The following SHH variants were observed in gnomAD, a reference collection of about 807,000 sequenced individuals.
SHH encodes sonic hedgehog protein.
In SHH, 3 loss-of-function variants were observed where a neutral mutation model predicts 16.6. The ratio of observed to expected loss-of-function variants is 0.18; its 90% CI spans 0.08 to 0.47. The LOEUF is 0.47. Ranked by LOEUF, SHH falls within the 20% of genes least tolerant of loss-of-function variation. The pLI is 0.98. For missense variants in SHH, 499 were observed against 665.0 expected (o/e 0.75, Z 2.75); for synonymous variants, 351 against 316.2 (o/e 1.11, Z -1.17).
At position 155,803,263 on chromosome 7, in the gene SHH, C is replaced by G. The variant is rs1357392616; in HGVS notation, c.1026G>C (p.Ala342=). The G allele has an allele frequency of 6.6e-7, 1 of 1,511,000 alleles. No homozygotes were observed. Among genetic ancestry groups the G allele is most frequent in the Non-Finnish European group, 8.8e-7 (1 of 1,137,380 alleles). 93.6% of individuals were successfully genotyped at this position (1,511,000 alleles called of 1,614,324 possible). A position where few individuals can be genotyped will look rare whatever the true frequency, so the allele number is the denominator to read the frequency against. ...VHSVTLSEEA[A]GAYAPLTAQG... is the part of the protein sequence containing the mutation. ...GGGCCGTGAGCGGCGCGTAGGCGCCCGCGGCCTCCTCGCTTAGGGTCACGC... is the reference window on the plus strand; with the variant it reads ...GGGCCGTGAGCGGCGCGTAGGCGCCGGCGGCCTCCTCGCTTAGGGTCACGC... Residue 342 remains alanine (A), a synonymous_variant, in exon 3 of 3, where the codon GCG becomes GCC. Coordinates refer to ENST00000297261, the MANE Select transcript of SHH (RefSeq NM_000193.4).
At position 155,800,198 on chromosome 7, in the gene SHH, T is replaced by C. The variant is rs1803150668; in HGVS notation, c.*2702A>G. On this transcript the variant is annotated 3_prime_UTR_variant, in exon 3 of 3. Coordinates refer to ENST00000297261, the MANE Select transcript of SHH (RefSeq NM_000193.4). ...CCTGGCGGGGCTGGGCTGCACCCTC[T>C]TGATGCCCTGTACCTAGTGTCTCTA... is the stretch of plus-strand genomic sequence containing the variant. 2.1e-6 allele frequency: 1 copy of C among 471,090 alleles called. No individual in the cohort carries two copies. The highest frequency in any genetic ancestry group is 2.3e-5 in the Admixed American group (1 of 42,590). The allele number at this position is 471,090 out of a possible 1,614,324, so 29.2% of individuals were successfully genotyped here. A position where few individuals can be genotyped will look rare whatever the true frequency, so the allele number is the denominator to read the frequency against.
In SHH at chr7:155,812,388, G is replaced by A. The variant is rs1452350455; in HGVS notation, c.-266C>T. On this transcript the variant is annotated 5_prime_UTR_variant, in exon 1 of 3. Transcript: ENST00000297261. The stretch of plus-strand genomic sequence containing the variant: ...CCGGCCGCTGATAACGGAACACATC[G>A]GAGTTGGGTCGCGAGACAGCAATCA... 2 of 567,296 alleles carry A rather than the reference G, an allele frequency of 3.5e-6. No homozygotes were observed. Among genetic ancestry groups the A allele is most frequent in the African/African-American group, 1.9e-5 (1 of 53,230 alleles). The allele number at this position is 567,296 out of a possible 1,614,324, so 35.1% of individuals were successfully genotyped here. A position where few individuals can be genotyped will look rare whatever the true frequency, so the allele number is the denominator to read the frequency against.
intron 2 of SHH, among the ~76,000 whole-genome samples, chr7:155,805,998 G>T (rs1378703010): frequency 6.6e-6 from 1 of 152,224 alleles, no homozygotes; most frequent in Non-Finnish European, 1.5e-5. Flanking sequence ...AGGGCCTAGC[G>T]CCCCTCCCCC....
chr7:155,811,778 C>A (rs1011206201), intron 1 of SHH, 45 bp downstream of exon 1: 1 of 1,584,520 alleles, frequency 6.3e-7, no homozygotes, highest in Admixed American at 1.7e-5. Context: ...TTCTCGTAAC[C>A]CCCTGGAAAG....
At position 155,809,840 on chromosome 7, in the gene SHH, G is replaced by T. The variant is rs1803463382; in HGVS notation, c.300+1983C>A. Among the ~76,000 whole-genome samples the T allele has an allele frequency of 6.6e-6, 1 of 151,704 alleles. No homozygotes were observed. Among genetic ancestry groups the T allele is most frequent in the Non-Finnish European group, 1.5e-5 (1 of 67,882 alleles). ...CGGCAGGGCGGACGGGGGTCGGGGG[G>T]AGGCCCCCGGGCTGGGGGCTCCGGC... is the stretch of plus-strand genomic sequence containing the variant. On this transcript the variant is annotated intron_variant, in intron 1 of 2. Transcript: ENST00000297261. The surrounding 1 kb of genome is among the most constrained non-coding windows in gnomAD (Gnocchi z 6.1).
intron 2 of SHH, among the ~76,000 whole-genome samples, chr7:155,804,667 G>A (rs1785158229): frequency 6.6e-6 from 1 of 152,112 alleles, no homozygotes; most frequent in Non-Finnish European, 1.5e-5. Context: ...TGTTCGGAGC[G>A]CTGGAAGCGC....
chr7:155,805,228 C>T (rs1002234489), intron 2 of SHH, among the ~76,000 whole-genome samples: 1 of 152,042 alleles, frequency 6.6e-6, no homozygotes, highest in African/African-American at 2.4e-5. Context: ...GGCCCAGGGG[C>T]CGCCGCCGAG....
chr7:155,806,608 G>GC, intron 1 of SHH, 51 bp from the exon 2 acceptor site: 1 of 1,607,576 alleles, frequency 6.2e-7, no homozygotes, highest in Non-Finnish European at 8.5e-7. Flanking sequence ...CTGGGCAACC[G>GC]CCACCCCTCC....
At position 155,802,220 on chromosome 7, in the gene SHH, G is replaced by A. The variant is rs914803441; in HGVS notation, c.*680C>T. 6.6e-5 allele frequency: 10 copies of A among 152,068 alleles called. No homozygotes were observed. Among genetic ancestry groups the A allele is most frequent in the Non-Finnish European group, 1.5e-4 (10 of 68,020 alleles). The allele number at this position is 152,068 out of a possible 1,614,324, so 9.4% of individuals were successfully genotyped here. A position where few individuals can be genotyped will look rare whatever the true frequency, so the allele number is the denominator to read the frequency against. ...ATGAAACCATAAAGACAACAGAGGAGATGGCTGTTACATCGGAAACTAGTT... is the reference window on the plus strand; with the variant it reads ...ATGAAACCATAAAGACAACAGAGGAAATGGCTGTTACATCGGAAACTAGTT... On this transcript the variant is annotated 3_prime_UTR_variant, in exon 3 of 3. Coordinates refer to ENST00000297261, the MANE Select transcript of SHH (RefSeq NM_000193.4).
chr7:155,803,527 C>A lies in SHH; in HGVS notation c.762G>T (p.Val254=). 1 of 1,590,652 alleles carries A rather than the reference C, an allele frequency of 6.3e-7. No homozygotes were observed. Among genetic ancestry groups the A allele is most frequent in the Non-Finnish European group, 8.5e-7 (1 of 1,174,326 alleles). The change falls in exon 3 of 3, where the codon GTG becomes GTT. Residue 254 remains valine, a synonymous_variant. Transcript: ENST00000297261. Reference sequence around the variant, plus strand: ...GCTCGCGCGGCTCCCGCGTCTCGATCACGTAGAAGACCTTCTTGGCGCCGT... The same window carrying A: ...GCTCGCGCGGCTCCCGCGTCTCGATAACGTAGAAGACCTTCTTGGCGCCGT... ...RDDGAKKVFY[V]IETREPRERL...
At chr7:155,811,799 C>T in intron 1 of SHH, 24 bp downstream of exon 1, 1 of 1,613,298 alleles carries the variant, frequency 6.2e-7, no homozygotes, top group East Asian at 2.2e-5. Context: ...CCACACATTC[C>T]ACGCCCCGGC....
Position 155,802,271 on chromosome 7 carries a change from T to A in SHH, c.*629A>T, listed in dbSNP as rs1803202339. 1 of 152,184 alleles carries A rather than the reference T, an allele frequency of 6.6e-6. No homozygotes were observed. The highest frequency in any genetic ancestry group is 2.4e-5 in the African/African-American group (1 of 41,428). 9.4% of individuals were successfully genotyped at this position (152,184 alleles called of 1,614,324 possible). On this transcript the variant is annotated 3_prime_UTR_variant, in exon 3 of 3. Coordinates refer to ENST00000297261, the MANE Select transcript of SHH (RefSeq NM_000193.4). Reference sequence around the variant, plus strand: ...AAATTAAAATAATATATTTTCATATTTTACACTATTTCAAAAATGAAATGT... The same window carrying A: ...AAATTAAAATAATATATTTTCATATATTACACTATTTCAAAAATGAAATGT...
At chr7:155,810,463 A>C (rs1233561) in intron 1 of SHH, among the ~76,000 whole-genome samples, 136,096 of 152,264 alleles carry the variant, frequency 0.89, 61,101 homozygotes, top group East Asian at 0.98. Context: ...GCTGCACGCA[A>C]CGGGCACCCC....
intron 2 of SHH, among the ~76,000 whole-genome samples, chr7:155,804,884 T>TA (rs1202921785): frequency 6.6e-6 from 1 of 152,170 alleles, no homozygotes; most frequent in Non-Finnish European, 1.5e-5. Flanking sequence ...CTGCTGGAAT[T>TA]ACAGGGGGCT....
In SHH at chr7:155,807,476, G is replaced by A. The variant is rs902342226; in HGVS notation, c.301-919C>T. On this transcript the variant is annotated intron_variant, in intron 1 of 2. Coordinates refer to ENST00000297261, the MANE Select transcript of SHH (RefSeq NM_000193.4). This position sits in a 1 kb window ranked among gnomAD's most constrained non-coding sequence, Gnocchi z 7.1. ...TTGAGAGGAGGGGGAGGGGAGACAG[G>A]AAGGCCTGAGGTCTCGGAGTCCTCC... The A allele has an allele frequency of 6.6e-6, 1 of 152,262 alleles. No individual in the cohort carries two copies. Among genetic ancestry groups the A allele is most frequent in the East Asian group, 1.9e-4 (1 of 5,170 alleles). The allele number at this position is 152,262 out of a possible 1,614,324, so 9.4% of individuals were successfully genotyped here. A position where few individuals can be genotyped will look rare whatever the true frequency, so the allele number is the denominator to read the frequency against.
chr7:155,806,155 C>T lies in SHH; in HGVS notation c.562+141G>A. 3.8e-6 allele frequency: 4 copies of T among 1,040,062 alleles called. No homozygotes were observed. In the South Asian group the frequency reaches 5.4e-5, roughly 14 times the overall value. 64.4% of individuals were successfully genotyped at this position (1,040,062 alleles called of 1,614,324 possible). A position where few individuals can be genotyped will look rare whatever the true frequency, so the allele number is the denominator to read the frequency against. On this transcript the variant is annotated intron_variant, in intron 2 of 2. Coordinates refer to ENST00000297261, the MANE Select transcript of SHH (RefSeq NM_000193.4). ...GGGCCGGCACCTCACAGGGCAGGTT[C>T]CACCGCGGAAACGCAGTCATCGCCC... is the stretch of plus-strand genomic sequence containing the variant.
At position 155,811,817 on chromosome 7, in the gene SHH, T is replaced by G; in HGVS notation, c.300+6A>C. On this transcript the variant is annotated splice_donor_region_variant and intron_variant, in intron 1 of 2. Transcript: ENST00000297261. ...CACATTCCACGCCCCGGCGCTGGGT[T>G]CCTACCTGAGTCATCAGCCTGTCCG... The G allele has an allele frequency of 6.2e-7, 1 of 1,614,102 alleles. No individual in the cohort carries two copies.
At chr7:155,811,680 G>A (rs1329189913) in intron 1 of SHH, 143 bp downstream of exon 1, 1 of 837,412 alleles carries the variant, frequency 1.2e-6, no homozygotes, top group African/African-American at 1.7e-5. Context: ...AGAGATGGGG[G>A]GCGGGCAGGT....
rs776450525 is a variant in SHH, at chr7:155,803,058, C to T, written c.1231G>A (p.Gly411Ser). 16 of 1,416,658 alleles carry T rather than the reference C, an allele frequency of 1.1e-5. No homozygotes were observed. In the South Asian group the frequency reaches 1.4e-4, roughly 12 times the overall value. The allele number at this position is 1,416,658 out of a possible 1,614,324, so 87.8% of individuals were successfully genotyped here. The change falls in exon 3 of 3, where the codon GGC (glycine) becomes AGC (serine). Residue 411 changes from glycine (G) to serine (S), a missense_variant. By Grantham distance (56) the Gly-to-Ser change is moderately conservative. This residue lies in a region of SHH where 299 missense variants were observed against 301.1 expected (regional missense o/e 0.99). Coordinates refer to ENST00000297261, the MANE Select transcript of SHH (RefSeq NM_000193.4). ...CCTGGAGCGGTTAGGGCTACTCTGCCGCCGCCGCCCCCGCGGTCCCCGCCG... is the reference window on the plus strand; with the variant it reads ...CCTGGAGCGGTTAGGGCTACTCTGCTGCCGCCGCCCCCGCGGTCCCCGCCG... ...SGGGDRGGGG[G>S]RVALTAPGAA...
Sources: gnomAD v4.1 joint callset for allele counts (sites outside exome capture counted in the v4.1 genomes callset) on GRCh38, gnomAD v4.1.1 for gene constraint, gnomAD v4.1.1 regional missense constraint, Gnocchi (gnomAD v3.1) non-coding constraint, MANE v1.5 for transcripts, NCBI Gene and HGNC (gene_info 2026-07-23, HGNC 2026-07-21) for gene names.